Variants in CADM2 observed in about 807,000 individuals in gnomAD.
The protein encoded by CADM2 is cell adhesion molecule 2, also known as immunoglobulin superfamily member 4D.
Under a neutral mutation model 49.8 loss-of-function variants are expected in CADM2, and 12 were observed. The ratio of observed to expected loss-of-function variants is 0.24; its 90% CI spans 0.15 to 0.39. CADM2 has a LOEUF of 0.39. CADM2 is among the 10% of genes least tolerant of loss of function. The probability of loss-of-function intolerance (pLI) is 1.00; values close to 1 mark genes in which losing one functional copy is unlikely to be tolerated. For synonymous variants in CADM2, 214 were observed against 175.4 expected (o/e 1.22, Z -1.74); for missense variants, 378 against 492.3 (o/e 0.77, Z 2.20).
At chr3:85,774,274 C>T (rs192743828) in intron 2 of CADM2, among the ~76,000 whole-genome samples, 3 of 151,738 alleles carry the variant, frequency 2.0e-5, no homozygotes, top group South Asian at 2.1e-4. Flanking sequence ...ACATGCATAT[C>T]GGTGTTCTTA....
chr3:85,523,816 T>C (rs2061088491), intron 1 of CADM2, among the ~76,000 whole-genome samples: 1 of 152,030 alleles, frequency 6.6e-6, no homozygotes, highest in Non-Finnish European at 1.5e-5. Flanking sequence ...GGTATATCCA[T>C]AGAGAGGAAA....
At chr3:85,935,725 G>A in intron 6 of CADM2, 42 bp from the exon 7 acceptor site, 2 of 1,061,486 alleles carry the variant, frequency 1.9e-6, no homozygotes, top group Non-Finnish European at 2.8e-6. Context: ...ATCTAGTTTT[G>A]TATGTGTTTA....
At chr3:85,994,531 C>G (rs1729138652) in intron 8 of CADM2, 1 of 152,206 alleles carries the variant, frequency 6.6e-6, no homozygotes, top group Non-Finnish European at 1.5e-5. Context: ...TACAACTTGA[C>G]TGGCACAAGA....
At chr3:85,848,923 A>G (rs1348640945) in intron 3 of CADM2, among the ~76,000 whole-genome samples, 1 of 152,196 alleles carries the variant, frequency 6.6e-6, no homozygotes, top group Non-Finnish European at 1.5e-5. Context: ...GCTACGACAA[A>G]TTTAAATACT....
chr3:85,578,675 T>C (rs2062711567), intron 1 of CADM2, among the ~76,000 whole-genome samples: 1 of 152,232 alleles, frequency 6.6e-6, no homozygotes, highest in Non-Finnish European at 1.5e-5. Flanking sequence ...TTGTGTGCAC[T>C]GATAAAGCAG....
chr3:85,511,123 C>T (rs57698248), intron 1 of CADM2, among the ~76,000 whole-genome samples: 2,179 of 152,098 alleles, frequency 0.014, 53 homozygotes, highest in African/African-American at 0.049. Flanking sequence ...TAAACTACCC[C>T]GGTTTAAAAG....
intron 2 of CADM2, among the ~76,000 whole-genome samples, chr3:85,796,515 C>T (rs1409283394): frequency 6.6e-6 from 1 of 152,100 alleles, no homozygotes. Context: ...AAACTCCACC[C>T]TAAAAATTAC....
At chr3:85,565,278 T>C (rs767982585) in intron 1 of CADM2, among the ~76,000 whole-genome samples, 6 of 152,104 alleles carry the variant, frequency 3.9e-5, no homozygotes, top group Non-Finnish European at 4.4e-5. Context: ...ACTATTTGCA[T>C]TAACTATCTC....
chr3:85,007,249 C>T (rs2033777896), intron 1 of CADM2, among the ~76,000 whole-genome samples: 1 of 152,020 alleles, frequency 6.6e-6, no homozygotes, highest in Admixed American at 6.6e-5. Flanking sequence ...ATATGGCAGT[C>T]TATCTTATTT....
At chr3:86,065,799 G>C in intron 9 of CADM2, 69 bp downstream of exon 9, 1 of 1,499,846 alleles carries the variant, frequency 6.7e-7, no homozygotes, top group Non-Finnish European at 9.1e-7. Flanking sequence ...TATAAAATAT[G>C]ATATCAGTGC....
At chr3:85,180,711 A>G (rs1326431957) in intron 1 of CADM2, among the ~76,000 whole-genome samples, 1 of 152,146 alleles carries the variant, frequency 6.6e-6, no homozygotes, top group African/African-American at 2.4e-5. Flanking sequence ...AACAATATCT[A>G]TATCAAAATA....
At chr3:85,240,309 G>C (rs979635423) in intron 1 of CADM2, among the ~76,000 whole-genome samples, 6 of 151,354 alleles carry the variant, frequency 4.0e-5, no homozygotes, top group African/African-American at 1.5e-4. Flanking sequence ...GCTATTTCTT[G>C]AAATCATCTA....
In CADM2 at chr3:85,025,452, G is replaced by A. The variant is rs116009642; in HGVS notation, c.61+65784G>A. Among the ~76,000 whole-genome samples the A allele has an allele frequency of 3.3e-3, 510 of 152,276 alleles. 6 individuals carry two copies. The highest frequency in any genetic ancestry group is 0.012 in the African/African-American group (479 of 41,566). On this transcript the variant is annotated intron_variant, in intron 1 of 9. Coordinates refer to ENST00000383699, the MANE Select transcript of CADM2 (RefSeq NM_001167675.2). ...GCATCATTTGTTCTTTCTTCCATGA[G>A]TAAACTTTAGGAAATATTATCCATA...
chr3:85,411,699 C>T lies in CADM2; in HGVS notation c.62-314823C>T, dbSNP rs1016709001. Among the ~76,000 whole-genome samples the T allele has an allele frequency of 3.9e-5, 6 of 152,134 alleles. 1 individual carries two copies. The South Asian group carries it at 6.2e-4, about 16-fold the overall frequency. On this transcript the variant is annotated intron_variant, in intron 1 of 9. Coordinates refer to ENST00000383699, the MANE Select transcript of CADM2 (RefSeq NM_001167675.2). ...CCCAGTTTCCATGGTTTAAAAACAC[C>T]ACCAAGGTTTATTTCAAGCTAACAA...
chr3:85,776,108 A>G (rs1032544351), intron 2 of CADM2, among the ~76,000 whole-genome samples: 1 of 151,910 alleles, frequency 6.6e-6, no homozygotes, highest in African/African-American at 2.4e-5. Flanking sequence ...TAGTAAAACC[A>G]TAATTATACT....
intron 1 of CADM2, among the ~76,000 whole-genome samples, chr3:85,624,441 T>C (rs2064064908): frequency 6.6e-6 from 1 of 152,126 alleles, no homozygotes; most frequent in Non-Finnish European, 1.5e-5. Flanking sequence ...CAAGCAATTA[T>C]CCTGCCTCAG....
chr3:85,017,314 A>T (rs1022605695), intron 1 of CADM2, among the ~76,000 whole-genome samples: 1 of 152,198 alleles, frequency 6.6e-6, no homozygotes, highest in Admixed American at 6.5e-5. Context: ...ATTAACGTTG[A>T]AATTACTTTG....
At chr3:85,168,942 G>GATTTATTTATTT (rs199591280) in intron 1 of CADM2, among the ~76,000 whole-genome samples, 4 of 151,368 alleles carry the variant, frequency 2.6e-5, no homozygotes, top group African/African-American at 9.7e-5. Context: ...ATTTAGTAAA[G>GATTTATTTATTT]ATTTATTTAT....
At chr3:85,565,232 A>G (rs1219041908) in intron 1 of CADM2, among the ~76,000 whole-genome samples, 2 of 152,072 alleles carry the variant, frequency 1.3e-5, no homozygotes, top group African/African-American at 2.4e-5. Context: ...GAGAAGAAAA[A>G]AAATACTTTG....
Sources: gnomAD v4.1 joint callset for allele counts (sites outside exome capture counted in the v4.1 genomes callset) on GRCh38, gnomAD v4.1.1 for gene constraint, MANE v1.5 for transcripts, NCBI Gene and HGNC (gene_info 2026-07-23, HGNC 2026-07-21) for gene names.